The following PRKCB variants were observed in gnomAD, a reference collection of about 807,000 sequenced individuals.
The protein encoded by PRKCB is protein kinase C beta type.
A neutral mutation model predicts 81.5 loss-of-function variants in PRKCB; 13 were observed. The ratio of observed to expected loss-of-function variants is 0.16; its 90% CI spans 0.10 to 0.25. PRKCB has a LOEUF of 0.25. Ranked by LOEUF, PRKCB falls within the 10% of genes least tolerant of loss-of-function variation. The pLI is 1.00. For missense variants in PRKCB, 509 were observed against 875.7 expected (o/e 0.58, Z 5.29); for synonymous variants, 335 against 321.4 (o/e 1.04, Z -0.45).
At chr16:24,181,588 G>A (rs550257481) in intron 13 of PRKCB, among the ~76,000 whole-genome samples, 2 of 151,878 alleles carry the variant, frequency 1.3e-5, no homozygotes, top group Non-Finnish European at 1.5e-5. Flanking sequence ...CCAACATGGC[G>A]AGACCTCGTC....
At chr16:23,846,364 C>T (rs56061125) in intron 2 of PRKCB, among the ~76,000 whole-genome samples, 31,894 of 151,808 alleles carry the variant, frequency 0.21, 3,454 homozygotes, top group East Asian at 0.33. Flanking sequence ...AATCCCAGCA[C>T]TTTGGGAGGC....
At chr16:23,998,621 T>A (rs1964990832) in intron 3 of PRKCB, among the ~76,000 whole-genome samples, 1 of 152,208 alleles carries the variant, frequency 6.6e-6, no homozygotes, top group Non-Finnish European at 1.5e-5. Flanking sequence ...AATAATAGTT[T>A]CTACTTGATA....
chr16:24,020,976 T>TTTTCTTTCTTTCTTTCTC (rs1965353632), intron 3 of PRKCB, among the ~76,000 whole-genome samples: 4 of 96,630 alleles, frequency 4.1e-5, no homozygotes, highest in African/African-American at 1.6e-4. Context: ...AGACTTTTCT[T>TTTTCTTTCTTTCTTTCTC]TTTCTTTCTT....
At chr16:24,086,398 T>A (rs1367868731) in intron 5 of PRKCB, among the ~76,000 whole-genome samples, 1 of 152,108 alleles carries the variant, frequency 6.6e-6, no homozygotes, top group African/African-American at 2.4e-5. Flanking sequence ...ACCTGTTTAG[T>A]CTCTCCCTCC....
intron 3 of PRKCB, among the ~76,000 whole-genome samples, chr16:23,995,303 C>T (rs765733787): frequency 2.0e-5 from 3 of 152,286 alleles, no homozygotes; most frequent in Non-Finnish European, 4.4e-5. Flanking sequence ...GTAGAAGGCT[C>T]TGCAACAGGT....
At chr16:24,045,275 T>C (rs1451933433) in intron 5 of PRKCB, among the ~76,000 whole-genome samples, 3 of 152,206 alleles carry the variant, frequency 2.0e-5, no homozygotes, top group African/African-American at 7.2e-5. Context: ...TGAGCAGAGC[T>C]GGGCCCAGGC....
chr16:23,905,413 C>T (rs527399128), intron 2 of PRKCB, among the ~76,000 whole-genome samples: 1 of 152,324 alleles, frequency 6.6e-6, no homozygotes, highest in South Asian at 2.1e-4. Flanking sequence ...GAACTTCACT[C>T]CTCACCCCCA....
intron 3 of PRKCB, among the ~76,000 whole-genome samples, chr16:24,006,516 A>G (rs764245762): frequency 8.8e-4 from 134 of 152,212 alleles, no homozygotes; most frequent in Non-Finnish European, 1.8e-3. Flanking sequence ...TGGTGGTTCT[A>G]CTAGCTTTTG....
At position 23,838,911 on chromosome 16, in the gene PRKCB, G is replaced by A. The variant is rs895134159; in HGVS notation, c.205+1505G>A. ...AAGTGGCAACAACTTAGGCCCTGGT[G>A]CAAACAAATTTGGATTGTTTTCTAG... On this transcript the variant is annotated intron_variant, in intron 2 of 16. Coordinates refer to ENST00000643927, the MANE Select transcript of PRKCB (RefSeq NM_002738.7). Among the ~76,000 whole-genome samples the A allele has an allele frequency of 3.9e-5, 6 of 152,208 alleles. No homozygotes were observed. In the East Asian group the frequency reaches 1.2e-3, roughly 29 times the overall value.
intron 3 of PRKCB, among the ~76,000 whole-genome samples, chr16:24,029,645 T>C (rs1013416055): frequency 6.9e-6 from 1 of 144,540 alleles, no homozygotes; most frequent in East Asian, 2.1e-4. Flanking sequence ...ACAGTTTCCT[T>C]AGGAGAAGCA....
chr16:24,166,899 C>T (rs576820074), intron 10 of PRKCB, among the ~76,000 whole-genome samples: 23 of 152,014 alleles, frequency 1.5e-4, no homozygotes, highest in Non-Finnish European at 2.6e-4. Flanking sequence ...TAGAAACATA[C>T]CACAAAACAC....
intron 2 of PRKCB, among the ~76,000 whole-genome samples, chr16:23,985,972 T>C (rs1317274852): frequency 1.3e-5 from 2 of 152,124 alleles, no homozygotes; most frequent in Non-Finnish European, 2.9e-5. Flanking sequence ...AAGGGATGAA[T>C]TATTCAATAA....
chr16:24,144,249 A>G (rs1356232555), intron 9 of PRKCB, among the ~76,000 whole-genome samples: 1 of 152,114 alleles, frequency 6.6e-6, no homozygotes, highest in Non-Finnish European at 1.5e-5. Context: ...GTATATATCT[A>G]TAAAGTATAT....
chr16:23,932,682 G>A (rs7404320), intron 2 of PRKCB, among the ~76,000 whole-genome samples: 78,586 of 152,072 alleles, frequency 0.52, 21,173 homozygotes, highest in East Asian at 0.62. Flanking sequence ...GACAAGTGAA[G>A]CTGGCTCAGA....
chr16:24,095,527 A>G (rs1966428710), intron 7 of PRKCB, among the ~76,000 whole-genome samples: 1 of 152,158 alleles, frequency 6.6e-6, no homozygotes, highest in African/African-American at 2.4e-5. Context: ...TACAGTAGTG[A>G]TGTTATCTGT....
Position 23,875,612 on chromosome 16 carries a change from A to ACACACATATATGTATGTATAT in PRKCB, c.205+38239_205+38259dup, listed in dbSNP as rs1567298516. On this transcript the variant is annotated intron_variant, in intron 2 of 16. Transcript: ENST00000643927. ...TATCACACACATATGTATGTATATC[A>ACACACATATATGTATGTATAT]CACACATATATGTATGTATATCACA... Among the ~76,000 whole-genome samples the ACACACATATATGTATGTATAT allele has an allele frequency of 1.5e-3, 49 of 33,562 alleles. 2 individuals carry two copies. The highest frequency in any genetic ancestry group is 6.3e-3 in the African/African-American group (49 of 7,812). 22.0% of individuals were successfully genotyped at this position (33,562 alleles called of 152,430 possible).
At chr16:23,956,827 T>C (rs1043095775) in intron 2 of PRKCB, among the ~76,000 whole-genome samples, 1 of 152,068 alleles carries the variant, frequency 6.6e-6, no homozygotes, top group Admixed American at 6.6e-5. Flanking sequence ...GGGAGCTTAA[T>C]GTATTAAAAG....
At chr16:24,112,694 TAGAG>T (rs1402883148) in intron 7 of PRKCB, among the ~76,000 whole-genome samples, 2 of 152,122 alleles carry the variant, frequency 1.3e-5, no homozygotes, top group Admixed American at 6.5e-5. Flanking sequence ...TAAGTGTGTA[TAGAG>T]AGAGAGTGAG....
intron 7 of PRKCB, among the ~76,000 whole-genome samples, chr16:24,108,397 C>T (rs1474760278): frequency 3.5e-5 from 5 of 141,448 alleles, no homozygotes; most frequent in African/African-American, 1.3e-4. Context: ...GTGTTTCTCA[C>T]AGAGGGGGAT....
Sources: allele counts gnomAD v4.1 joint callset (sites outside exome capture counted in the v4.1 genomes callset), GRCh38; gene constraint gnomAD v4.1.1; transcripts MANE v1.5; gene names NCBI Gene and HGNC (gene_info 2026-07-23, HGNC 2026-07-21).